The following ST8SIA6 variants were observed in gnomAD, a reference collection of about 807,000 sequenced individuals.
ST8SIA6 encodes the protein alpha-2,8-sialyltransferase 8F.
A neutral mutation model predicts 33.6 loss-of-function variants in ST8SIA6; 39 were observed. That is an observed-to-expected ratio of 1.16 (90% CI 0.90 to 1.52). The LOEUF (loss-of-function observed/expected upper bound fraction) is 1.52. ST8SIA6 is among the 40% of genes most tolerant of loss of function. ST8SIA6 has a pLI of 0.00. For missense variants in ST8SIA6, 441 were observed against 443.8 expected, an observed-to-expected ratio of 0.99 and a Z score of 0.06; for synonymous variants, 172 against 167.2, an observed-to-expected ratio of 1.03 and a Z score of -0.22.
chr10:17,380,901 GTA>G (rs1042229046), intron 3 of ST8SIA6, among the ~76,000 whole-genome samples: 2 of 141,604 alleles, frequency 1.4e-5, no homozygotes, highest in African/African-American at 5.2e-5. Flanking sequence ...ATGCATATGT[GTA>G]TATGTGTGTT....
At chr10:17,348,953 C>G (rs566106637) in intron 4 of ST8SIA6, among the ~76,000 whole-genome samples, 2 of 152,254 alleles carry the variant, frequency 1.3e-5, no homozygotes, top group South Asian at 4.2e-4. Flanking sequence ...TGTACTCGAG[C>G]TGATTAATTT....
At chr10:17,358,301 G>A (rs1246645034) in intron 4 of ST8SIA6, among the ~76,000 whole-genome samples, 4 of 152,066 alleles carry the variant, frequency 2.6e-5, no homozygotes, top group Non-Finnish European at 4.4e-5. Context: ...AGCATATTCT[G>A]ACTAAAGAAG....
intron 3 of ST8SIA6, among the ~76,000 whole-genome samples, chr10:17,363,655 G>A (rs1849467772): frequency 6.6e-6 from 1 of 152,132 alleles, no homozygotes; most frequent in African/African-American, 2.4e-5. Flanking sequence ...GGAGCTGACC[G>A]CTAAGCTTTC....
chr10:17,437,089 A>G (rs554081495), intron 2 of ST8SIA6, among the ~76,000 whole-genome samples: 1 of 152,130 alleles, frequency 6.6e-6, no homozygotes, highest in African/African-American at 2.4e-5. Context: ...TATGCCCCAA[A>G]TTGCAATTCT....
At chr10:17,391,607 C>A (rs190352589) in intron 2 of ST8SIA6, among the ~76,000 whole-genome samples, 12 of 152,286 alleles carry the variant, frequency 7.9e-5, no homozygotes, top group Admixed American at 3.3e-4. Context: ...AATATGCAGA[C>A]ATAGGAGATC....
intron 2 of ST8SIA6, among the ~76,000 whole-genome samples, chr10:17,422,346 A>G (rs1306935216): frequency 1.3e-5 from 2 of 152,168 alleles, no homozygotes; most frequent in Non-Finnish European, 2.9e-5. Context: ...CCCCCCTCCC[A>G]CAAGTAATTA....
rs1847886065 is a variant in ST8SIA6 at position 17,319,792 on chromosome 10, C to A, written c.*1086G>T. 6.6e-6 allele frequency: 1 copy of A among 152,108 alleles called. No homozygotes were observed. The highest frequency in any genetic ancestry group is 1.5e-5 in the Non-Finnish European group (1 of 68,018). The allele number at this position is 152,108 out of a possible 1,614,324, so 9.4% of individuals were successfully genotyped here. A position where few individuals can be genotyped will look rare whatever the true frequency, so the allele number is the denominator to read the frequency against. On this transcript the variant is annotated 3_prime_UTR_variant, in exon 8 of 8. Transcript: ENST00000377602. Reference sequence around the variant, plus strand: ...AGTATATTTTGTTACTTTTACTAATCAATTACATATTTCTAATATCATCAA... The same window carrying A: ...AGTATATTTTGTTACTTTTACTAATAAATTACATATTTCTAATATCATCAA...
At position 17,316,624 on chromosome 10, in the gene ST8SIA6, C is replaced by T. The variant is rs970753589; in HGVS notation, c.*4254G>A. On this transcript the variant is annotated 3_prime_UTR_variant, in exon 8 of 8. Coordinates refer to ENST00000377602, the MANE Select transcript of ST8SIA6 (RefSeq NM_001004470.3). ...AAATGATTCAATCAGCTTATACTTCCACACTTGAAGTTAATGACCTTACTC... is the reference window on the plus strand; with the variant it reads ...AAATGATTCAATCAGCTTATACTTCTACACTTGAAGTTAATGACCTTACTC... Among the ~76,000 whole-genome samples the T allele has an allele frequency of 2.0e-5, 3 of 152,090 alleles. No individual in the cohort carries two copies. The highest frequency in any genetic ancestry group is 2.9e-5 in the Non-Finnish European group (2 of 67,964).
At chr10:17,424,540 A>G (rs1419891557) in intron 2 of ST8SIA6, among the ~76,000 whole-genome samples, 1 of 152,172 alleles carries the variant, frequency 6.6e-6, no homozygotes, top group Non-Finnish European at 1.5e-5. Flanking sequence ...TATTCATTTA[A>G]AGATTGTGCT....
intron 3 of ST8SIA6, among the ~76,000 whole-genome samples, chr10:17,365,697 A>C (rs546241840): frequency 6.6e-6 from 1 of 152,334 alleles, no homozygotes; most frequent in Non-Finnish European, 1.5e-5. Flanking sequence ...AGGCATCCAA[A>C]GAGGGTCTTG....
At chr10:17,426,808 T>G (rs955707007) in intron 2 of ST8SIA6, among the ~76,000 whole-genome samples, 2 of 152,090 alleles carry the variant, frequency 1.3e-5, no homozygotes, top group Non-Finnish European at 2.9e-5. Flanking sequence ...ACAGAAAAAG[T>G]TCTATGCACG....
At position 17,454,258 on chromosome 10, in the gene ST8SIA6, T is replaced by C. The variant is rs1455601471; in HGVS notation, c.-3A>G. ...AGCAGTGCGCCCCCCGGCCGCATCC[T>C]GAGCCACAGGCGCCGCCGCCACCGC... On this transcript the variant is annotated 5_prime_UTR_variant, in exon 1 of 8. Coordinates refer to ENST00000377602, the MANE Select transcript of ST8SIA6 (RefSeq NM_001004470.3). This position sits in a 1 kb window ranked among gnomAD's most constrained non-coding sequence, Gnocchi z 4.1. 5 of 227,340 alleles carry C rather than the reference T, an allele frequency of 2.2e-5. No homozygotes were observed. The East Asian group carries it at 5.0e-4, about 23-fold the overall frequency. 14.1% of individuals were successfully genotyped at this position (227,340 alleles called of 1,614,324 possible).
At chr10:17,326,921 G>C in intron 6 of ST8SIA6, 93 bp downstream of exon 6, 1 of 878,136 alleles carries the variant, frequency 1.1e-6, no homozygotes, top group East Asian at 3.1e-5. Flanking sequence ...AGAGCTCAAA[G>C]GTGAAAATAT....
At chr10:17,352,300 T>G (rs923106834) in intron 4 of ST8SIA6, among the ~76,000 whole-genome samples, 1 of 152,192 alleles carries the variant, frequency 6.6e-6, no homozygotes, top group African/African-American at 2.4e-5. Flanking sequence ...TTGTTCAGTT[T>G]GTAAAAGACC....
intron 2 of ST8SIA6, among the ~76,000 whole-genome samples, chr10:17,448,552 T>C (rs1852797825): frequency 6.6e-6 from 1 of 152,170 alleles, no homozygotes; most frequent in South Asian, 2.1e-4. Flanking sequence ...TTCTAATGAT[T>C]GGATATTTGG....
At chr10:17,393,772 C>G (rs191754190) in intron 2 of ST8SIA6, among the ~76,000 whole-genome samples, 2 of 152,284 alleles carry the variant, frequency 1.3e-5, no homozygotes, top group East Asian at 3.9e-4. Context: ...ATAAACAAGA[C>G]AGATTCATAA....
chr10:17,446,231 CAA>C (rs201660752), intron 2 of ST8SIA6, among the ~76,000 whole-genome samples: 1 of 151,610 alleles, frequency 6.6e-6, no homozygotes, highest in East Asian at 1.9e-4. Context: ...CGAAAACAAA[CAA>C]AAAAAATCAC....
intron 3 of ST8SIA6, among the ~76,000 whole-genome samples, chr10:17,366,155 C>A (rs542411302): frequency 6.6e-6 from 1 of 152,294 alleles, no homozygotes; most frequent in Non-Finnish European, 1.5e-5. Context: ...TGCAGTGGCA[C>A]CGACATTTCA....
rs189830214 is a variant in ST8SIA6 at position 17,333,912 on chromosome 10, G to T, written c.378-2360C>A. On this transcript the variant is annotated intron_variant, in intron 4 of 7. Transcript: ENST00000377602. ...AATTTTTGTATTTTTAGTAAGGACA[G>T]GGTCCAACCATGTTGGCCAGGCTGA... 1.7e-3 allele frequency among the ~76,000 whole-genome samples: 260 copies of T among 149,726 alleles called. 1 individual carries two copies. The highest frequency in any genetic ancestry group is 6.1e-3 in the African/African-American group (250 of 40,776).
Sources: gnomAD v4.1 joint callset for allele counts (sites outside exome capture counted in the v4.1 genomes callset) on GRCh38, gnomAD v4.1.1 for gene constraint, Gnocchi (gnomAD v3.1) non-coding constraint, MANE v1.5 for transcripts, NCBI Gene and HGNC (gene_info 2026-07-23, HGNC 2026-07-21) for gene names.